OPCML: variants seen among roughly 807,000 people sequenced by gnomAD.
OPCML encodes opioid binding protein/cell adhesion molecule like.
Under a neutral mutation model 37.8 loss-of-function variants are expected in OPCML, and 13 were observed. That is an observed-to-expected ratio of 0.34 (90% confidence interval 0.22 to 0.55). The LOEUF (loss-of-function observed/expected upper bound fraction) is 0.55. Ranked by LOEUF, OPCML falls within the 20% of genes least tolerant of loss-of-function variation. OPCML has a pLI of 0.91. For synonymous variants in OPCML, 176 were observed against 168.8 expected (o/e 1.04, Z -0.33); for missense variants, 341 against 435.6 (o/e 0.78, Z 1.93).
intron 2 of OPCML, among the ~76,000 whole-genome samples, chr11:132,893,068 T>A (rs976851759): frequency 2.6e-5 from 4 of 152,174 alleles, no homozygotes; most frequent in African/African-American, 9.6e-5. Context: ...TCTACCCCCA[T>A]TAACCCTTGT....
At chr11:132,952,060 T>C (rs895410201) in intron 1 of OPCML, among the ~76,000 whole-genome samples, 1 of 152,208 alleles carries the variant, frequency 6.6e-6, no homozygotes, top group Non-Finnish European at 1.5e-5. Flanking sequence ...GAGAGAAGAT[T>C]GTACCCAGCT....
chr11:133,316,669 A>T (rs1252193591), intron 1 of OPCML, among the ~76,000 whole-genome samples: 2 of 152,206 alleles, frequency 1.3e-5, no homozygotes, highest in Non-Finnish European at 2.9e-5. Context: ...AACTATGTTT[A>T]TGACTCTTAA....
At chr11:133,291,916 C>T (rs138850631) in intron 1 of OPCML, among the ~76,000 whole-genome samples, 1 of 152,238 alleles carries the variant, frequency 6.6e-6, no homozygotes, top group Non-Finnish European at 1.5e-5. Context: ...GAAGCCAGCT[C>T]GCTCTGGATG....
intron 2 of OPCML, among the ~76,000 whole-genome samples, chr11:132,940,440 G>A (rs1945539218): frequency 6.6e-6 from 1 of 152,212 alleles, no homozygotes; most frequent in South Asian, 2.1e-4. Flanking sequence ...CAGTTCCCAG[G>A]TAATGAATCC....
At chr11:132,753,926 T>G (rs1945937697) in intron 2 of OPCML, among the ~76,000 whole-genome samples, 1 of 152,176 alleles carries the variant, frequency 6.6e-6, no homozygotes, top group Admixed American at 6.5e-5. Context: ...CAACTTTAAT[T>G]TTATCTCCTA....
At chr11:132,570,802 T>TATATA (rs1591566397) in intron 3 of OPCML, among the ~76,000 whole-genome samples, 5 of 82,178 alleles carry the variant, frequency 6.1e-5, no homozygotes, top group African/African-American at 1.1e-4. Flanking sequence ...TATATATATA[T>TATATA]TTAGAGAGAG....
chr11:132,421,572 C>T (rs561239474), intron 7 of OPCML, among the ~76,000 whole-genome samples: 2 of 152,322 alleles, frequency 1.3e-5, no homozygotes, highest in African/African-American at 4.8e-5. Flanking sequence ...GAGTATACAA[C>T]TGTTCCTCTC....
chr11:132,719,389 C>G (rs1406377064), intron 2 of OPCML, among the ~76,000 whole-genome samples: 3 of 152,190 alleles, frequency 2.0e-5, no homozygotes, highest in African/African-American at 2.4e-5. Flanking sequence ...GAGAGACTGA[C>G]GAGAACCTGA....
rs2096031891 is a variant in OPCML, at chr11:132,441,165, G to GTTTTTTGTTTTT, written c.506-3807_506-3806insAAAAACAAAAAA. Among the ~76,000 whole-genome samples, 99 of 72,376 alleles carry GTTTTTTGTTTTT rather than the reference G, an allele frequency of 1.4e-3. 2 individuals carry two copies. The highest frequency in any genetic ancestry group is 0.01 in the African/African-American group (94 of 9,164). The allele number at this position is 72,376 out of a possible 152,430, so 47.5% of individuals were successfully genotyped here. A position where few individuals can be genotyped will look rare whatever the true frequency, so the allele number is the denominator to read the frequency against. ...AGATGTGTTCACCAAGGACTTTTTT[G>GTTTTTTGTTTTT]TTTTTTTTTTTTTTTTTTTTGAGAC... On this transcript the variant is annotated intron_variant, in intron 4 of 7. Coordinates refer to ENST00000524381, the MANE Select transcript of OPCML (RefSeq NM_001012393.5).
chr11:133,422,398 T>TATATATATAC (rs1565625947), intron 1 of OPCML: 2 of 948,138 alleles, frequency 2.1e-6, no homozygotes, highest in East Asian at 2.5e-4. Context: ...TATATATGTA[T>TATATATATAC]ATATGCGCCA....
At chr11:133,467,342 G>A (rs1355016652) in intron 1 of OPCML, among the ~76,000 whole-genome samples, 1 of 152,070 alleles carries the variant, frequency 6.6e-6, no homozygotes, top group East Asian at 1.9e-4. Flanking sequence ...TCCCTACTTG[G>A]TTTTACAGAT....
At chr11:133,037,042 C>A (rs1233139073) in intron 1 of OPCML, among the ~76,000 whole-genome samples, 2 of 152,168 alleles carry the variant, frequency 1.3e-5, no homozygotes, top group Non-Finnish European at 1.5e-5. Context: ...AAGGGCTCTG[C>A]CTGACCACAC....
chr11:133,410,634 TAAAAAAAAAAAAAAAAAAAAAAAAAAAAA>T (rs71038527), intron 1 of OPCML, among the ~76,000 whole-genome samples: 2 of 47,014 alleles, frequency 4.3e-5, no homozygotes, highest in Non-Finnish European at 8.8e-5. Context: ...AGAAAAAAAG[TAAAAAAAAAAAAAAAAAAAAAAAAAAAAA>T]AAAAAAAAAA....
chr11:133,363,276 C>A (rs145926635), intron 1 of OPCML, among the ~76,000 whole-genome samples: 1 of 152,304 alleles, frequency 6.6e-6, no homozygotes, highest in East Asian at 1.9e-4. Context: ...TAGGAGCTTC[C>A]TGGGCAGAAC....
chr11:132,944,641 T>C (rs891307939), intron 1 of OPCML, among the ~76,000 whole-genome samples: 2 of 152,172 alleles, frequency 1.3e-5, no homozygotes, highest in East Asian at 3.9e-4. Flanking sequence ...CTGATCCTCC[T>C]AAAACCCCTC....
At chr11:132,801,381 C>CT (rs375682192) in intron 2 of OPCML, among the ~76,000 whole-genome samples, 61 of 152,184 alleles carry the variant, frequency 4.0e-4, no homozygotes, top group African/African-American at 1.4e-3. Flanking sequence ...CATTTTATGA[C>CT]TTTTTTACCA....
chr11:133,047,835 C>G (rs1172008298), intron 1 of OPCML, among the ~76,000 whole-genome samples: 1 of 152,224 alleles, frequency 6.6e-6, no homozygotes, highest in Non-Finnish European at 1.5e-5. Context: ...AATTAAAAAG[C>G]AGCAATTTGT....
chr11:133,082,840 G>A (rs1342895627), intron 1 of OPCML, among the ~76,000 whole-genome samples: 2 of 149,496 alleles, frequency 1.3e-5, no homozygotes, highest in Non-Finnish European at 1.5e-5. Flanking sequence ...GAGGTCGCCA[G>A]CCTGCAGGGT....
chr11:132,757,200 T>A (rs1159445440), intron 2 of OPCML, among the ~76,000 whole-genome samples: 4 of 152,236 alleles, frequency 2.6e-5, no homozygotes, highest in Non-Finnish European at 5.9e-5. Context: ...CAGTCTATCA[T>A]TGATGGGCAT....
Sources: gnomAD v4.1 joint callset for allele counts (sites outside exome capture counted in the v4.1 genomes callset) on GRCh38, gnomAD v4.1.1 for gene constraint, MANE v1.5 for transcripts, NCBI Gene and HGNC (gene_info 2026-07-23, HGNC 2026-07-21) for gene names.